MS4A13: variants seen among roughly 807,000 people sequenced by gnomAD.
The protein encoded by MS4A13 is membrane spanning 4-domains A13.
Under a neutral mutation model 18.4 loss-of-function variants are expected in MS4A13, and 21 were observed. That is an observed-to-expected ratio of 1.14 (90% confidence interval 0.81 to 1.64). The LOEUF (loss-of-function observed/expected upper bound fraction) is 1.64, where lower values mean the gene tolerates loss of function less well. Among genes scored for constraint, MS4A13 ranks in the 40% most tolerant of loss-of-function variants. The pLI is 0.00. For missense variants in MS4A13, 173 were observed against 176.8 expected (o/e 0.98, Z 0.12); for synonymous variants, 62 against 57.2 (o/e 1.08, Z -0.38).
In MS4A13 at chr11:60,522,729, A is replaced by G. The variant is rs181288857; in HGVS notation, c.130-1168A>G. On this transcript the variant is annotated intron_variant, in intron 3 of 6. Transcript: ENST00000378186. ...GGTTCATAAAAGATGAATGGCTCAT[A>G]AATAATGCACTGGTTCATAGGTGAT... 2.0e-5 allele frequency among the ~76,000 whole-genome samples: 3 copies of G among 152,326 alleles called. No individual in the cohort carries two copies. In the East Asian group the frequency reaches 5.8e-4, roughly 29 times the overall value.
chr11:60,543,214 A>T (rs2086874632), downstream of MS4A13, among the ~76,000 whole-genome samples: 1 of 152,136 alleles, frequency 6.6e-6, no homozygotes, highest in Admixed American at 6.5e-5. Flanking sequence ...CAATAAGGAG[A>T]ATTTTCTAGA....
chr11:60,528,003 C>G (rs909393317), intron 5 of MS4A13, among the ~76,000 whole-genome samples: 4 of 152,118 alleles, frequency 2.6e-5, no homozygotes, highest in East Asian at 1.9e-4. Context: ...CTTGGTATTT[C>G]AAACTTTCTA....
At chr11:60,522,074 A>AG (rs1377255262) in intron 3 of MS4A13, among the ~76,000 whole-genome samples, 1 of 152,078 alleles carries the variant, frequency 6.6e-6, no homozygotes, top group Non-Finnish European at 1.5e-5. Flanking sequence ...CAGCATGGGA[A>AG]GGACCCGCTC....
intron 5 of MS4A13, among the ~76,000 whole-genome samples, chr11:60,526,252 C>T (rs1174366172): frequency 2.6e-5 from 4 of 152,102 alleles, no homozygotes; most frequent in Non-Finnish European, 5.9e-5. Context: ...CAAACATGGA[C>T]CAGATTTTCC....
At chr11:60,521,267 A>C (rs753952159) in intron 3 of MS4A13, among the ~76,000 whole-genome samples, 10 of 152,366 alleles carry the variant, frequency 6.6e-5, no homozygotes, top group Non-Finnish European at 1.2e-4. Context: ...GAGAATTAAC[A>C]TTCAGCTCCT....
chr11:60,532,611 G>A (rs1252237932), intron 6 of MS4A13, among the ~76,000 whole-genome samples: 6 of 152,112 alleles, frequency 3.9e-5, no homozygotes, highest in Non-Finnish European at 7.4e-5. Context: ...GCCCGCCATT[G>A]CGCAGGCTTG....
intron 5 of MS4A13, among the ~76,000 whole-genome samples, chr11:60,528,300 G>T (rs1019825925): frequency 1.3e-5 from 2 of 152,162 alleles, no homozygotes; most frequent in Non-Finnish European, 2.9e-5. Context: ...AAGTTGCCTA[G>T]AATGCTGTTT....
At chr11:60,538,393 A>G (rs922530467) in intron 6 of MS4A13, among the ~76,000 whole-genome samples, 1 of 151,466 alleles carries the variant, frequency 6.6e-6, no homozygotes, top group African/African-American at 2.4e-5. Flanking sequence ...TGGATATTCC[A>G]AAACTACCAA....
chr11:60,529,299 C>CCATGAT, intron 5 of MS4A13, 66 bp from the exon 6 acceptor site: 1 of 465,872 alleles, frequency 2.1e-6, no homozygotes, highest in Non-Finnish European at 3.7e-6. Flanking sequence ...GTAGCTCCTT[C>CCATGAT]CATGATCATG....
Position 60,542,625 on chromosome 11 carries a change from C to T in MS4A13, c.*50C>T, listed in dbSNP as rs2086870256. The T allele has an allele frequency of 8.5e-7, 1 of 1,183,024 alleles. No individual in the cohort carries two copies. The highest frequency in any genetic ancestry group is 1.5e-5 in the African/African-American group (1 of 65,898). The allele number at this position is 1,183,024 out of a possible 1,614,324, so 73.3% of individuals were successfully genotyped here. On this transcript the variant is annotated 3_prime_UTR_variant, in exon 7 of 7. Coordinates refer to ENST00000378186, the MANE Select transcript of MS4A13 (RefSeq NM_001012417.3). ...GCTGTTGCTGATGCCTGGTGTGGGT[C>T]CTAATGATATCTCTGTATAACAAAG... is the stretch of plus-strand genomic sequence containing the variant.
In MS4A13 at chr11:60,523,954, G is replaced by A; in HGVS notation, c.186+1G>A. 6.6e-7 allele frequency: 1 copy of A among 1,521,154 alleles called. No homozygotes were observed. The highest frequency in any genetic ancestry group is 9.1e-7 in the Non-Finnish European group (1 of 1,096,714). 94.2% of individuals were successfully genotyped at this position (1,521,154 alleles called of 1,614,324 possible). A position where few individuals can be genotyped will look rare whatever the true frequency, so the allele number is the denominator to read the frequency against. Reference sequence around the variant, plus strand: ...AACAAAGTATCCGACTCGATCTGGAGTAAGTTGAAATGTTTGAGGTATCTC... The same window carrying A: ...AACAAAGTATCCGACTCGATCTGGAATAAGTTGAAATGTTTGAGGTATCTC... On this transcript the variant is annotated splice_donor_variant, in intron 4 of 6. Coordinates refer to ENST00000378186, the MANE Select transcript of MS4A13 (RefSeq NM_001012417.3). LOFTEE classifies it high-confidence loss of function.
intron 3 of MS4A13, among the ~76,000 whole-genome samples, chr11:60,523,322 T>G (rs933029837): frequency 6.6e-6 from 1 of 152,218 alleles, no homozygotes; most frequent in South Asian, 2.1e-4. Flanking sequence ...GGCATAGTTT[T>G]ATACTTCTTG....
chr11:60,532,486 G>A (rs1201805960), intron 6 of MS4A13, among the ~76,000 whole-genome samples: 1 of 152,196 alleles, frequency 6.6e-6, no homozygotes, highest in Admixed American at 6.5e-5. Context: ...CGGCGCACCA[G>A]GAGACTATAT....
intron 3 of MS4A13, among the ~76,000 whole-genome samples, chr11:60,519,531 C>A (rs186130489): frequency 1.3e-5 from 2 of 151,628 alleles, no homozygotes; most frequent in African/African-American, 2.4e-5. Flanking sequence ...AAATAATCAT[C>A]GAGGAAAAGT....
In MS4A13 at chr11:60,524,956, G is replaced by A. The variant is rs532889820; in HGVS notation, c.187-251G>A. 4.2e-4 allele frequency among the ~76,000 whole-genome samples: 64 copies of A among 152,024 alleles called. 1 individual carries two copies. The highest frequency in any genetic ancestry group is 8.7e-4 in the Non-Finnish European group (59 of 68,008). On this transcript the variant is annotated intron_variant, in intron 4 of 6. Transcript: ENST00000378186. ...ATTACAGGCGTGAGCCACTGCGCCC[G>A]GCCCCAAAAAATACAATATGTTTTA...
chr11:60,522,235 G>GGTGTATATATATATATATCT (rs1555023672), intron 3 of MS4A13, among the ~76,000 whole-genome samples: 68 of 112,188 alleles, frequency 6.1e-4, no homozygotes, highest in African/African-American at 2.6e-3. Context: ...TAGATAGATA[G>GGTGTATATATATATATATCT]ATAGATGTAT....
intron 3 of MS4A13, among the ~76,000 whole-genome samples, chr11:60,523,185 T>A (rs2086689369): frequency 6.6e-6 from 1 of 152,190 alleles, no homozygotes; most frequent in African/African-American, 2.4e-5. Flanking sequence ...AAGCTTCAGG[T>A]TTGGGCTTCC....
intron 3 of MS4A13, among the ~76,000 whole-genome samples, chr11:60,518,652 C>A (rs963283788): frequency 1.3e-5 from 2 of 152,100 alleles, no homozygotes; most frequent in African/African-American, 4.8e-5. Flanking sequence ...AGCATGATAT[C>A]CTGGAAGCCA....
intron 6 of MS4A13, among the ~76,000 whole-genome samples, chr11:60,531,771 T>A (rs751872179): frequency 6.6e-6 from 1 of 152,220 alleles, no homozygotes; most frequent in Non-Finnish European, 1.5e-5. Context: ...CTTCTCTTTA[T>A]TTGTCTGTGT....
Sources: gnomAD v4.1 joint callset for allele counts (sites outside exome capture counted in the v4.1 genomes callset) on GRCh38, gnomAD v4.1.1 for gene constraint, MANE v1.5 for transcripts, NCBI Gene and HGNC (gene_info 2026-07-23, HGNC 2026-07-21) for gene names.